The following NEGR1 variants were observed in gnomAD, a reference collection of about 807,000 sequenced individuals.
The protein encoded by NEGR1 is neuronal growth regulator 1.
NEGR1 carries 10 observed loss-of-function variants against 40.9 expected under a neutral mutation model. The observed-to-expected ratio is 0.24, with a 90% CI of 0.15 to 0.42. The LOEUF (loss-of-function observed/expected upper bound fraction) is 0.42. Among genes scored for constraint, NEGR1 ranks in the 10% least tolerant of loss-of-function variants. The probability of loss-of-function intolerance (pLI) is 1.00; values close to 1 mark genes in which losing one functional copy is unlikely to be tolerated. For missense variants in NEGR1, 352 were observed against 438.9 expected, an observed-to-expected ratio of 0.80 and a Z score of 1.77; for synonymous variants, 185 against 166.8, an observed-to-expected ratio of 1.11 and a Z score of -0.84.
At chr1:72,153,863 A>G (rs1490190824) in intron 1 of NEGR1, among the ~76,000 whole-genome samples, 1 of 151,964 alleles carries the variant, frequency 6.6e-6, no homozygotes, top group Non-Finnish European at 1.5e-5. Context: ...GAATTCCAAG[A>G]AGAAAGGTGG....
At chr1:71,941,874 C>T (rs552450809) in intron 1 of NEGR1, among the ~76,000 whole-genome samples, 1 of 151,920 alleles carries the variant, frequency 6.6e-6, no homozygotes, top group Non-Finnish European at 1.5e-5. Flanking sequence ...ACCCATTTTA[C>T]AATGAAGACA....
At chr1:72,170,953 T>C (rs138603520) in intron 1 of NEGR1, among the ~76,000 whole-genome samples, 7 of 152,176 alleles carry the variant, frequency 4.6e-5, no homozygotes, top group African/African-American at 1.7e-4. Context: ...CATAAATGCT[T>C]CTCAGTGCCC....
At chr1:72,112,844 G>GT (rs1327410851) in intron 1 of NEGR1, among the ~76,000 whole-genome samples, 1 of 151,378 alleles carries the variant, frequency 6.6e-6, no homozygotes, top group Admixed American at 6.6e-5. Flanking sequence ...CCTGACATGG[G>GT]TTTTGGGGGA....
intron 2 of NEGR1, among the ~76,000 whole-genome samples, chr1:71,919,917 A>G (rs1411912742): frequency 6.6e-6 from 1 of 152,200 alleles, no homozygotes; most frequent in African/African-American, 2.4e-5. Flanking sequence ...AATGACACTC[A>G]TAACTGCTGC....
chr1:71,619,712 A>C (rs1650552809), intron 4 of NEGR1, among the ~76,000 whole-genome samples: 1 of 152,080 alleles, frequency 6.6e-6, no homozygotes, highest in African/African-American at 2.4e-5. Flanking sequence ...GTGTGATTAG[A>C]GGCTCACAAA....
At chr1:71,960,383 T>G (rs2100294389) in intron 1 of NEGR1, among the ~76,000 whole-genome samples, 1 of 152,314 alleles carries the variant, frequency 6.6e-6, no homozygotes, top group East Asian at 1.9e-4. Flanking sequence ...TTTTATATTC[T>G]ATGGTCAAGA....
At chr1:71,847,095 A>T (rs1270011832) in intron 2 of NEGR1, among the ~76,000 whole-genome samples, 5 of 152,136 alleles carry the variant, frequency 3.3e-5, no homozygotes, top group Non-Finnish European at 7.3e-5. Context: ...CCCATCTCAC[A>T]GTATAGACCA....
At chr1:72,096,540 G>C (rs2100233491) in intron 1 of NEGR1, among the ~76,000 whole-genome samples, 1 of 149,068 alleles carries the variant, frequency 6.7e-6, no homozygotes, top group South Asian at 2.1e-4. Context: ...CATAGTCACT[G>C]AATAACTATT....
intron 2 of NEGR1, among the ~76,000 whole-genome samples, chr1:71,821,050 T>C (rs956424893): frequency 1.3e-5 from 2 of 151,900 alleles, no homozygotes; most frequent in Non-Finnish European, 2.9e-5. Context: ...TTCTGGAAAA[T>C]GTATTATTTT....
chr1:71,869,745 T>C (rs1478676800), intron 2 of NEGR1, among the ~76,000 whole-genome samples: 1 of 152,180 alleles, frequency 6.6e-6, no homozygotes, highest in African/African-American at 2.4e-5. Flanking sequence ...AGAATAATTA[T>C]TATTTTGACT....
intron 1 of NEGR1, chr1:72,275,079 T>A: frequency 2.0e-6 from 2 of 1,014,764 alleles, no homozygotes. Flanking sequence ...TTAGCACCAG[T>A]GACCTCCTGA....
At chr1:71,692,973 A>C (rs1477906127) in intron 4 of NEGR1, among the ~76,000 whole-genome samples, 1 of 151,790 alleles carries the variant, frequency 6.6e-6, no homozygotes, top group Non-Finnish European at 1.5e-5. Flanking sequence ...TTTCATGAGT[A>C]AAAATTGAAA....
intron 1 of NEGR1, among the ~76,000 whole-genome samples, chr1:72,012,110 ATATAT>A (rs565760311): frequency 5.8e-4 from 89 of 152,286 alleles, no homozygotes; most frequent in Non-Finnish European, 9.4e-4. Flanking sequence ...GAAATTATTG[ATATAT>A]TATATTAGTA....
intron 1 of NEGR1, 24 bp from the exon 2 acceptor site, chr1:71,935,335 A>G (rs781194051): frequency 1.4e-6 from 2 of 1,439,686 alleles, no homozygotes; most frequent in African/African-American, 1.4e-5. Flanking sequence ...GAGATACAAC[A>G]CTATTAATCA....
chr1:72,280,340 T>C (rs917200618), intron 1 of NEGR1, among the ~76,000 whole-genome samples: 3 of 152,194 alleles, frequency 2.0e-5, no homozygotes, highest in Non-Finnish European at 2.9e-5. Flanking sequence ...GGATACATTA[T>C]TGAAAGAAAA....
At chr1:72,025,035 A>T (rs1323051777) in intron 1 of NEGR1, among the ~76,000 whole-genome samples, 1 of 152,222 alleles carries the variant, frequency 6.6e-6, no homozygotes, top group East Asian at 1.9e-4. Context: ...CTTGGGAGTT[A>T]TAGTGAAACA....
At chr1:72,141,073 C>A (rs1203932683) in intron 1 of NEGR1, among the ~76,000 whole-genome samples, 1 of 151,658 alleles carries the variant, frequency 6.6e-6, no homozygotes, top group East Asian at 1.9e-4. Flanking sequence ...GAAAAATGTA[C>A]AAAGTGTTGG....
chr1:72,009,500 A>G (rs933650921), intron 1 of NEGR1, among the ~76,000 whole-genome samples: 1 of 151,736 alleles, frequency 6.6e-6, no homozygotes, highest in Non-Finnish European at 1.5e-5. Context: ...TTTTTTTTAT[A>G]TTTATAAAAA....
chr1:71,638,686 G>A (rs1651242636), intron 4 of NEGR1, among the ~76,000 whole-genome samples: 2 of 151,878 alleles, frequency 1.3e-5, no homozygotes, highest in Admixed American at 1.3e-4. Flanking sequence ...AGGTGTCTAA[G>A]GTCATATTCT....
Sources: allele counts gnomAD v4.1 joint callset (sites outside exome capture counted in the v4.1 genomes callset), GRCh38; gene constraint gnomAD v4.1.1; transcripts MANE v1.5; gene names NCBI Gene and HGNC (gene_info 2026-07-23, HGNC 2026-07-21).